ATXN7: variants seen among roughly 807,000 people sequenced by gnomAD.
ATXN7 encodes the protein ataxin-7.
ATXN7 carries 12 observed loss-of-function variants against 70.5 expected under a neutral mutation model. The observed-to-expected ratio is 0.17, with a 90% confidence interval of 0.11 to 0.28. The LOEUF (loss-of-function observed/expected upper bound fraction) is 0.28. ATXN7 is among the 10% of genes least tolerant of loss of function. ATXN7 has a pLI of 1.00. For synonymous variants in ATXN7, 498 were observed against 448.7 expected (o/e 1.11, Z -1.39); for missense variants, 1,256 against 1,131.7 (o/e 1.11, Z -1.58).
chr3:63,912,764 C>G lies in ATXN7; in HGVS notation c.166C>G (p.Arg56Gly), dbSNP rs1407540453. 6 of 1,358,088 alleles carry G rather than the reference C, an allele frequency of 4.4e-6. No individual in the cohort carries two copies. Among genetic ancestry groups the G allele is most frequent in the African/African-American group, 1.5e-5 (1 of 65,586 alleles). 84.1% of individuals were successfully genotyped at this position (1,358,088 alleles called of 1,614,324 possible). A position where few individuals can be genotyped will look rare whatever the true frequency, so the allele number is the denominator to read the frequency against. The change falls in exon 3 of 13, where the codon CGG becomes GGG. Residue 56 changes from arginine to glycine, a missense_variant. Arg to Gly is a moderately radical substitution (Grantham distance 125). Transcript: ENST00000674280. ...QRQQHPPPPPRRTRPEDGGPG... is the reference protein window; with the variant it reads ...QRQQHPPPPPGRTRPEDGGPG... ...GCAGCAGCACCCGCCACCGCCGCCACGGCGCACACGGCCGGAGGACGGCGG... is the reference window on the plus strand; with the variant it reads ...GCAGCAGCACCCGCCACCGCCGCCAGGGCGCACACGGCCGGAGGACGGCGG...
intron 1 of ATXN7, among the ~76,000 whole-genome samples, chr3:63,893,512 A>G (rs2107251809): frequency 6.6e-6 from 1 of 152,286 alleles, no homozygotes; most frequent in South Asian, 2.1e-4. Flanking sequence ...ATTTGGAGAG[A>G]GCAGAGGGAC....
intron 1 of ATXN7, among the ~76,000 whole-genome samples, chr3:63,868,621 G>C (rs1702505026): frequency 6.6e-6 from 1 of 152,132 alleles, no homozygotes; most frequent in Non-Finnish European, 1.5e-5. Context: ...TTAGAGGAAA[G>C]TGGAAAATGA....
At chr3:63,942,955 A>AT (rs1424110011) in intron 4 of ATXN7, among the ~76,000 whole-genome samples, 2 of 152,124 alleles carry the variant, frequency 1.3e-5, no homozygotes, top group African/African-American at 4.8e-5. Flanking sequence ...CCATTCTCAA[A>AT]TTTTTTTGTT....
At chr3:63,926,628 A>G (rs917742171) in intron 4 of ATXN7, among the ~76,000 whole-genome samples, 11 of 152,124 alleles carry the variant, frequency 7.2e-5, no homozygotes, top group Admixed American at 2.6e-4. Context: ...CAAATCCTTT[A>G]CTGTTGCCTA....
chr3:63,912,212 C>T (rs1170466377), intron 2 of ATXN7: 1 of 152,268 alleles, frequency 6.6e-6, no homozygotes, highest in African/African-American at 2.4e-5. Flanking sequence ...GGGTGCGGCT[C>T]GGGCTTCCCC....
chr3:63,879,474 G>C (rs1349910773), intron 1 of ATXN7, among the ~76,000 whole-genome samples: 1 of 150,660 alleles, frequency 6.6e-6, no homozygotes, highest in Non-Finnish European at 1.5e-5. Flanking sequence ...AGTCCTTATG[G>C]ATTATCTCTT....
At chr3:63,894,531 G>C (rs139715869) in intron 1 of ATXN7, among the ~76,000 whole-genome samples, 2 of 152,202 alleles carry the variant, frequency 1.3e-5, no homozygotes, top group African/African-American at 4.8e-5. Flanking sequence ...AATGTGTTTT[G>C]TTTTGTTTTT....
intron 11 of ATXN7, 79 bp from the exon 12 acceptor site, chr3:63,995,426 G>A: frequency 1.3e-6 from 2 of 1,489,802 alleles, no homozygotes; most frequent in Non-Finnish European, 1.8e-6. Flanking sequence ...TTTGTCACAA[G>A]CAAAGAGGGT....
chr3:63,973,268 A>G (rs903441149), intron 5 of ATXN7, among the ~76,000 whole-genome samples: 1 of 152,130 alleles, frequency 6.6e-6, no homozygotes, highest in Non-Finnish European at 1.5e-5. Flanking sequence ...CATACATATC[A>G]AGACTGTGCC....
rs1286862145 is a variant in ATXN7 at position 63,990,848 on chromosome 3, A to G, written c.1671A>G (p.Ala557=). The part of the protein sequence containing the change: ...LNLMVEKHLN[A]QLWKKIPPVP... ...TCATGGTGGAGAAGCATCTGAATGCACAGCTATGGAAGTGAGTGCCTGTTG... is the reference window on the plus strand; with the variant it reads ...TCATGGTGGAGAAGCATCTGAATGCGCAGCTATGGAAGTGAGTGCCTGTTG... The change falls in exon 11 of 13, where the codon GCA becomes GCG. Residue 557 remains alanine, a synonymous_variant. Transcript: ENST00000674280. The G allele has an allele frequency of 6.2e-7, 1 of 1,614,130 alleles. No homozygotes were observed. The highest frequency in any genetic ancestry group is 8.5e-7 in the Non-Finnish European group (1 of 1,180,048).
At position 63,888,563 on chromosome 3, in the gene ATXN7, G is replaced by A. The variant is rs569100185; in HGVS notation, c.-110-9836G>A. On this transcript the variant is annotated intron_variant, in intron 1 of 12. Transcript: ENST00000674280. ...GAAGGCTGAGGCAGGTGGATCTTGA[G>A]GTCAAGAGATCGAGACCATCCTGGC... Among the ~76,000 whole-genome samples, 4 of 152,198 alleles carry A rather than the reference G, an allele frequency of 2.6e-5. No homozygotes were observed. In the South Asian group the frequency reaches 8.3e-4, roughly 32 times the overall value.
At chr3:63,913,004 G>C (rs1475460735) in intron 3 of ATXN7, 81 bp downstream of exon 3, 14 of 1,180,314 alleles carry the variant, frequency 1.2e-5, no homozygotes, top group Non-Finnish European at 8.9e-6. Context: ...CCCCCCTCCT[G>C]TGACCCGCCC....
At chr3:63,988,615 C>A (rs950748413) in intron 9 of ATXN7, 4 of 362,996 alleles carry the variant, frequency 1.1e-5, no homozygotes, top group African/African-American at 8.6e-5. Flanking sequence ...AAATTGGGTC[C>A]TTCCTGCGGG....
upstream of ATXN7, chr3:63,863,374 G>C: frequency 1.1e-6 from 1 of 927,928 alleles, no homozygotes; most frequent in Non-Finnish European, 1.3e-6. Context: ...CACCCTTCGC[G>C]GCTCCTGGGT....
chr3:63,892,637 G>A (rs1000571554), intron 1 of ATXN7, among the ~76,000 whole-genome samples: 2 of 152,280 alleles, frequency 1.3e-5, no homozygotes. Flanking sequence ...TGCCAGAGCA[G>A]CTCTTTATTC....
intron 4 of ATXN7, among the ~76,000 whole-genome samples, chr3:63,947,824 A>G (rs1205408936): frequency 2.0e-5 from 3 of 152,138 alleles, no homozygotes; most frequent in African/African-American, 7.2e-5. Flanking sequence ...GTGCAAGCAT[A>G]GAGTCTGGCT....
rs1465502724 is a variant in ATXN7, at chr3:63,864,090, C to T, written c.-179C>T. Among the ~76,000 whole-genome samples the T allele has an allele frequency of 2.1e-5, 3 of 146,298 alleles. No individual in the cohort carries two copies. Among genetic ancestry groups the T allele is most frequent in the African/African-American group, 4.9e-5 (2 of 40,754 alleles). Reference sequence around the variant, plus strand: ...GCCCCGGCTGCAGCCCGGGCTCCCGCCGCCCCCCTTGCAGCCCCCGCCCGG... The same window carrying T: ...GCCCCGGCTGCAGCCCGGGCTCCCGTCGCCCCCCTTGCAGCCCCCGCCCGG... On this transcript the variant is annotated 5_prime_UTR_variant, in exon 1 of 13. Transcript: ENST00000674280.
intron 4 of ATXN7, among the ~76,000 whole-genome samples, chr3:63,939,606 AG>A (rs1354341785): frequency 1.3e-5 from 2 of 152,254 alleles, no homozygotes; most frequent in African/African-American, 4.8e-5. Context: ...CAACTTGTTT[AG>A]AATTGTGCAA....
intron 5 of ATXN7, among the ~76,000 whole-genome samples, chr3:63,963,736 A>T (rs2106698819): frequency 6.6e-6 from 1 of 152,240 alleles, no homozygotes; most frequent in East Asian, 1.9e-4. Flanking sequence ...GCTGTGCTGT[A>T]GCTTCCTCTG....
Sources: allele counts gnomAD v4.1 joint callset (sites outside exome capture counted in the v4.1 genomes callset), GRCh38; gene constraint gnomAD v4.1.1; transcripts MANE v1.5; gene names NCBI Gene and HGNC (gene_info 2026-07-23, HGNC 2026-07-21).